Variants in ADAMTSL3 observed in about 807,000 individuals in gnomAD.
ADAMTSL3 encodes ADAMTS-like protein 3.
ADAMTSL3 carries 128 observed loss-of-function variants against 201.7 expected under a neutral mutation model. The observed-to-expected ratio is 0.63, with a 90% CI of 0.55 to 0.73. The LOEUF is 0.73. ADAMTSL3 is among the 30% of genes least tolerant of loss of function. The probability of loss-of-function intolerance (pLI) is 0.00; values close to 1 mark genes in which losing one functional copy is unlikely to be tolerated. For synonymous variants in ADAMTSL3, 738 were observed against 748.4 expected (o/e 0.99, Z 0.23); for missense variants, 1,990 against 2,119.6 (o/e 0.94, Z 1.20).
At chr15:83,773,460 A>C in intron 3 of ADAMTSL3, 63 bp from the exon 4 acceptor site, 1 of 1,555,056 alleles carries the variant, frequency 6.4e-7, no homozygotes, top group Non-Finnish European at 8.7e-7. Context: ...GGATATTTCT[A>C]CCACATTTGC....
At chr15:83,728,626 A>G (rs1048089055) in intron 3 of ADAMTSL3, among the ~76,000 whole-genome samples, 6 of 152,012 alleles carry the variant, frequency 3.9e-5, no homozygotes, top group Non-Finnish European at 8.8e-5. Flanking sequence ...GCAAAGAGAA[A>G]ACCAACATAA....
At chr15:84,021,093 T>C (rs1009974596) in intron 25 of ADAMTSL3, among the ~76,000 whole-genome samples, 2 of 152,164 alleles carry the variant, frequency 1.3e-5, no homozygotes, top group Admixed American at 6.5e-5. Context: ...TAGAGAACAC[T>C]GAGGAGGCAG....
chr15:83,692,851 A>G (rs2061631623), intron 2 of ADAMTSL3, among the ~76,000 whole-genome samples: 1 of 152,160 alleles, frequency 6.6e-6, no homozygotes, highest in African/African-American at 2.4e-5. Context: ...ATGTGCAAAA[A>G]GCACATTTCT....
intron 3 of ADAMTSL3, among the ~76,000 whole-genome samples, chr15:83,744,303 C>A (rs889599590): frequency 6.6e-6 from 1 of 151,894 alleles, no homozygotes; most frequent in African/African-American, 2.4e-5. Flanking sequence ...CCAAAGACAC[C>A]AAAAAATATT....
chr15:83,676,853 A>G (rs1022345924), intron 2 of ADAMTSL3, among the ~76,000 whole-genome samples: 2 of 152,226 alleles, frequency 1.3e-5, no homozygotes, highest in African/African-American at 4.8e-5. Flanking sequence ...AGACACATCT[A>G]TGAACCAGAG....
intron 6 of ADAMTSL3, among the ~76,000 whole-genome samples, chr15:83,828,860 A>G (rs1166165508): frequency 6.6e-6 from 1 of 152,230 alleles, no homozygotes; most frequent in Non-Finnish European, 1.5e-5. Context: ...CCAGCCTTGC[A>G]TAGCAGGGAT....
intron 8 of ADAMTSL3, among the ~76,000 whole-genome samples, chr15:83,866,307 C>G (rs893521230): frequency 2.6e-5 from 4 of 152,132 alleles, no homozygotes; most frequent in Non-Finnish European, 5.9e-5. Flanking sequence ...GACACATGCA[C>G]ATGTATGTTT....
intron 4 of ADAMTSL3, among the ~76,000 whole-genome samples, chr15:83,784,331 A>T (rs1487414225): frequency 6.6e-6 from 1 of 152,156 alleles, no homozygotes; most frequent in East Asian, 1.9e-4. Flanking sequence ...GAATTTGTGG[A>T]TTCTCCTGTG....
chr15:83,735,569 A>G (rs190446588), intron 3 of ADAMTSL3, among the ~76,000 whole-genome samples: 3 of 99,726 alleles, frequency 3.0e-5, no homozygotes, highest in African/African-American at 7.9e-5. Flanking sequence ...CGTTTTAAGT[A>G]TTTATAAGGT....
intron 6 of ADAMTSL3, among the ~76,000 whole-genome samples, chr15:83,834,550 A>G (rs549440888): frequency 7.9e-5 from 12 of 152,348 alleles, no homozygotes; most frequent in South Asian, 2.1e-4. Flanking sequence ...ATTTTGCTTC[A>G]TTTGGACTAG....
At chr15:84,006,115 C>A (rs980924134) in intron 23 of ADAMTSL3, among the ~76,000 whole-genome samples, 1 of 152,216 alleles carries the variant, frequency 6.6e-6, no homozygotes, top group East Asian at 1.9e-4. Flanking sequence ...AGAGTGCATT[C>A]ATTATTCTAG....
chr15:83,983,963 G>A (rs1415066454), intron 21 of ADAMTSL3, among the ~76,000 whole-genome samples: 1 of 152,094 alleles, frequency 6.6e-6, no homozygotes, highest in East Asian at 1.9e-4. Flanking sequence ...CTATTATCAT[G>A]CAATTTTTAA....
intron 4 of ADAMTSL3, among the ~76,000 whole-genome samples, chr15:83,775,343 CTT>C (rs200018009): frequency 7.0e-6 from 1 of 142,980 alleles, no homozygotes. Flanking sequence ...TTGCATTGGT[CTT>C]TTTTTTTTTT....
At chr15:83,954,845 C>T (rs1034414478) in intron 19 of ADAMTSL3, among the ~76,000 whole-genome samples, 1 of 152,242 alleles carries the variant, frequency 6.6e-6, no homozygotes, top group Admixed American at 6.5e-5. Flanking sequence ...CTGCCTCTGT[C>T]TCTGTCTCTC....
intron 21 of ADAMTSL3, among the ~76,000 whole-genome samples, chr15:83,985,806 T>G (rs1305838858): frequency 6.6e-6 from 1 of 152,004 alleles, no homozygotes; most frequent in African/African-American, 2.4e-5. Context: ...CTAATTGTAT[T>G]TTTAGTAGAG....
chr15:83,852,132 A>T (rs546333408), intron 7 of ADAMTSL3, among the ~76,000 whole-genome samples: 1 of 151,412 alleles, frequency 6.6e-6, no homozygotes, highest in African/African-American at 2.4e-5. Context: ...TTTGTTTTTG[A>T]GATGGAGTCT....
rs543122967 is a variant in ADAMTSL3 at position 83,789,741 on chromosome 15, T to C, written c.318-14909T>C. Among the ~76,000 whole-genome samples the C allele has an allele frequency of 9.8e-5, 15 of 152,314 alleles. No homozygotes were observed. In the South Asian group the frequency reaches 1.0e-3, roughly 11 times the overall value. ...AGTATAGTACTCTTGCCCTTAGTTG[T>C]ACCCAGTTATCTCTTGGTCCAGAAA... On this transcript the variant is annotated intron_variant, in intron 4 of 29. Transcript: ENST00000286744.
At chr15:83,831,349 G>T (rs2064153440) in intron 6 of ADAMTSL3, among the ~76,000 whole-genome samples, 1 of 152,140 alleles carries the variant, frequency 6.6e-6, no homozygotes, top group Admixed American at 6.5e-5. Flanking sequence ...AATGAGTAGG[G>T]ATGATGAGCA....
At position 83,982,988 on chromosome 15, in the gene ADAMTSL3, G is replaced by C; in HGVS notation, c.3360G>C (p.Leu1120=). Residue 1120 remains leucine (L), a synonymous_variant, in exon 21 of 30, where the codon CTG becomes CTC. Coordinates refer to ENST00000286744, the MANE Select transcript of ADAMTSL3 (RefSeq NM_207517.3). ...GEVSDDLASQ[L]IYQLVAELAK... ...TCAGCGATGATCTTGCGTCCCAGCT[G>C]ATATATCAGCTGGTGGCCGAATTAG... The C allele has an allele frequency of 6.2e-7, 1 of 1,614,168 alleles. No individual in the cohort carries two copies. The highest frequency in any genetic ancestry group is 8.5e-7 in the Non-Finnish European group (1 of 1,180,030).
Sources: allele counts gnomAD v4.1 joint callset (sites outside exome capture counted in the v4.1 genomes callset), GRCh38; gene constraint gnomAD v4.1.1; transcripts MANE v1.5; gene names NCBI Gene and HGNC (gene_info 2026-07-23, HGNC 2026-07-21).